C12orf42: variants seen among roughly 807,000 people sequenced by gnomAD.
The protein encoded by C12orf42 is chromosome 12 open reading frame 42.
C12orf42 carries 25 observed loss-of-function variants against 21.6 expected under a neutral mutation model. That is an observed-to-expected ratio of 1.16 (90% CI 0.84 to 1.62). The LOEUF (loss-of-function observed/expected upper bound fraction) is 1.62. C12orf42 is among the 40% of genes most tolerant of loss of function. The probability of loss-of-function intolerance (pLI) is 0.00; values close to 1 mark genes in which losing one functional copy is unlikely to be tolerated. For missense variants in C12orf42, 483 were observed against 459.3 expected (o/e 1.05, Z -0.47); for synonymous variants, 174 against 175.0 (o/e 0.99, Z 0.05).
intron 4 of C12orf42, among the ~76,000 whole-genome samples, chr12:103,328,789 G>T (rs1157414024): frequency 2.6e-5 from 4 of 152,242 alleles, no homozygotes; most frequent in Non-Finnish European, 4.4e-5. Context: ...GAGGAAGGGA[G>T]TCTGTCTGGG....
intron 2 of C12orf42, among the ~76,000 whole-genome samples, chr12:103,440,580 C>T (rs1031325357): frequency 6.6e-6 from 1 of 150,866 alleles, no homozygotes; most frequent in Non-Finnish European, 1.5e-5. Flanking sequence ...TGTTATTATG[C>T]AAATAGTCTT....
the C12orf42 span, among the ~76,000 whole-genome samples, chr12:103,106,514 T>TA: frequency 4.6e-5 from 7 of 151,924 alleles, no homozygotes; most frequent in Admixed American, 2.6e-4. Context: ...ACCATAACAT[T>TA]AAAAAAAGTG....
chr12:103,291,729 C>A (rs116712040), intron 4 of C12orf42, among the ~76,000 whole-genome samples: 2,257 of 152,242 alleles, frequency 0.015, 62 homozygotes, highest in African/African-American at 0.052. Flanking sequence ...GTGGAAGTGT[C>A]TTTTACCATT....
At chr12:103,227,439 T>C in the C12orf42 span, among the ~76,000 whole-genome samples, 1 of 145,842 alleles carries the variant, frequency 6.9e-6, no homozygotes, top group Non-Finnish European at 1.5e-5. Context: ...AGATAAGAGG[T>C]TGGGGTGCGG....
chr12:103,540,006 T>C, the C12orf42 span, among the ~76,000 whole-genome samples: 334 of 151,636 alleles, frequency 2.2e-3, 4 homozygotes, highest in African/African-American at 7.8e-3. Flanking sequence ...TTTGTTTTTG[T>C]TTTTGTTTTT....
chr12:103,549,053 C>T, the C12orf42 span: 1 of 152,330 alleles, frequency 6.6e-6, no homozygotes, highest in African/African-American at 2.4e-5. Context: ...ACTTCAAAAA[C>T]ACTTCCAATT....
At chr12:103,542,696 T>C in the C12orf42 span, among the ~76,000 whole-genome samples, 1 of 152,214 alleles carries the variant, frequency 6.6e-6, no homozygotes. Flanking sequence ...GAGAATTACA[T>C]CCCCTTCAAG....
the C12orf42 span, among the ~76,000 whole-genome samples, chr12:103,513,299 G>A: frequency 1.3e-5 from 2 of 152,038 alleles, no homozygotes; most frequent in African/African-American, 4.8e-5. Context: ...AGCTCTATTT[G>A]GCCATTTTTG....
At chr12:103,255,634 G>A (rs1460026124) in intron 10 of C12orf42, among the ~76,000 whole-genome samples, 1 of 151,542 alleles carries the variant, frequency 6.6e-6, no homozygotes, top group Non-Finnish European at 1.5e-5. Context: ...TTGTTTTAAG[G>A]ACCATTTAGT....
intron 2 of C12orf42, among the ~76,000 whole-genome samples, chr12:103,452,812 T>C (rs571263031): frequency 2.7e-5 from 4 of 150,222 alleles, no homozygotes; most frequent in African/African-American, 9.8e-5. Context: ...CACTCATAGG[T>C]GGGAATTGAA....
the C12orf42 span, among the ~76,000 whole-genome samples, chr12:103,184,733 A>G: frequency 0.013 from 1,537 of 116,766 alleles, 86 homozygotes; most frequent in East Asian, 0.18. Context: ...CCAAATATAT[A>G]TGTTAAAGTT....
rs1195405876 is a variant in C12orf42, at chr12:103,306,360, T to C, written c.260-15A>G. 2.6e-6 allele frequency: 4 copies of C among 1,568,544 alleles called. No individual in the cohort carries two copies. On this transcript the variant is annotated splice_polypyrimidine_tract_variant and intron_variant, in intron 4 of 5. Transcript: ENST00000548883. ...TTCTGGAAATACTGTGAAAGGTAAA[T>C]ACATTCGTTTGAAAAATTCACCAAA...
intron 4 of C12orf42, among the ~76,000 whole-genome samples, chr12:103,310,106 G>T (rs1394991854): frequency 6.6e-6 from 1 of 152,244 alleles, no homozygotes. Flanking sequence ...TTGGAGGTGG[G>T]CCCTGGTGGG....
chr12:103,514,989 G>T, the C12orf42 span, among the ~76,000 whole-genome samples: 10 of 152,298 alleles, frequency 6.6e-5, no homozygotes, highest in East Asian at 1.9e-3. Context: ...CTGGTATGGG[G>T]TGGGAAGTGG....
the C12orf42 span, among the ~76,000 whole-genome samples, chr12:103,123,710 T>C: frequency 7.5e-3 from 1,147 of 152,126 alleles, 18 homozygotes; most frequent in African/African-American, 0.026. Context: ...CTATAAAATA[T>C]CACTTTAATA....
At chr12:103,294,639 G>A (rs4764730) in intron 4 of C12orf42, among the ~76,000 whole-genome samples, 12,761 of 113,930 alleles carry the variant, frequency 0.11, 750 homozygotes, top group African/African-American at 0.21. Context: ...AAAGAAAGAA[G>A]GAAAAGAAAG....
chr12:103,199,613 G>C, the C12orf42 span, among the ~76,000 whole-genome samples: 1 of 151,894 alleles, frequency 6.6e-6, no homozygotes, highest in Non-Finnish European at 1.5e-5. Context: ...TAACTCAATA[G>C]CAAAAAAACA....
At chr12:103,303,691 G>T (rs2037989165) in intron 5 of C12orf42, among the ~76,000 whole-genome samples, 2 of 152,248 alleles carry the variant, frequency 1.3e-5, no homozygotes, top group South Asian at 4.1e-4. Flanking sequence ...TATGTACTGA[G>T]CACCTCCCTC....
chr12:103,379,603 T>A, intron 3 of C12orf42, among the ~76,000 whole-genome samples: 1 of 152,210 alleles, frequency 6.6e-6, no homozygotes, highest in Non-Finnish European at 1.5e-5. Flanking sequence ...GGGGTTTGGA[T>A]CGTGCTTGGA....
Sources: gnomAD v4.1 joint callset for allele counts (sites outside exome capture counted in the v4.1 genomes callset) on GRCh38, gnomAD v4.1.1 for gene constraint, MANE v1.5 for transcripts, NCBI Gene and HGNC (gene_info 2026-07-23, HGNC 2026-07-21) for gene names.